Variants in TENM1 observed in about 807,000 individuals in gnomAD.
TENM1 encodes the protein teneurin-1.
Under a neutral mutation model 174.8 loss-of-function variants are expected in TENM1, and 35 were observed. The observed-to-expected ratio is 0.20, with a 90% CI of 0.15 to 0.27. TENM1 has a LOEUF of 0.27. Among genes scored for constraint, TENM1 ranks in the 10% least tolerant of loss-of-function variants. The probability of loss-of-function intolerance (pLI) is 1.00; values close to 1 mark genes in which losing one functional copy is unlikely to be tolerated. For missense variants in TENM1, 1,633 were observed against 2,130.1 expected, an observed-to-expected ratio of 0.77 and a Z score of 4.59; for synonymous variants, 781 against 798.7, an observed-to-expected ratio of 0.98 and a Z score of 0.37.
chrX:124,827,558 G>A (rs1252059532), intron 3 of TENM1, among the ~76,000 whole-genome samples: 1 of 111,416 alleles, frequency 9.0e-6, no homozygotes, highest in East Asian at 2.8e-4. Context: ...TTTGCTTGAG[G>A]GCCCTAAACA....
At chrX:124,565,434 T>C (rs1382240173) in exon 12 of TENM1, 1 of 1,209,643 alleles carries the variant, frequency 8.3e-7, no homozygotes, top group Admixed American at 2.2e-5. Context: ...ATCTTTGCAT[T>C]GGCCATGCTC....
the TENM1 span, among the ~76,000 whole-genome samples, chrX:125,000,600 CAT>C: frequency 8.9e-6 from 1 of 111,937 alleles, no homozygotes; most frequent in East Asian, 2.8e-4. Context: ...CATATCAAAA[CAT>C]GTCTTTATTT....
intron 18 of TENM1, among the ~76,000 whole-genome samples, chrX:124,510,395 T>C: frequency 8.9e-6 from 1 of 112,566 alleles, no homozygotes; most frequent in Non-Finnish European, 1.9e-5. Flanking sequence ...GACTGGAAGC[T>C]AGGGATAGCC....
Position 124,861,172 on chromosome X carries a change from G to A in TENM1, c.535+33124C>T, listed in dbSNP as rs924801824. ...AAGGTTAAAATAATTTATGTATTGA[G>A]GGCGAGTAAAAATATATATCAAGTA... On this transcript the variant is annotated intron_variant, in intron 3 of 31. Coordinates refer to ENST00000422452, the Ensembl canonical transcript of TENM1. Among the ~76,000 whole-genome samples the A allele has an allele frequency of 8.0e-5, 9 of 111,970 alleles. No homozygotes were observed. The East Asian group carries it at 2.2e-3, about 28-fold the overall frequency.
At chrX:125,161,039 T>TAAAAAAAAAAAAAAAA in the TENM1 span, among the ~76,000 whole-genome samples, 1 of 53,444 alleles carries the variant, frequency 1.9e-5, no homozygotes, top group African/African-American at 6.9e-5. Flanking sequence ...GGCCAAAAAG[T>TAAAAAAAAAAAAAAAA]AAAAAAAAAA....
At chrX:124,424,062 C>A (rs2060684223) in intron 23 of TENM1, among the ~76,000 whole-genome samples, 1 of 112,291 alleles carries the variant, frequency 8.9e-6, no homozygotes, top group South Asian at 3.7e-4. Flanking sequence ...AAGAGAGACA[C>A]CTCAGAAGAA....
At chrX:124,542,873 G>A (rs1324540851) in intron 15 of TENM1, among the ~76,000 whole-genome samples, 3 of 111,924 alleles carry the variant, frequency 2.7e-5, no homozygotes, top group African/African-American at 6.5e-5. Context: ...GTGATTTCTA[G>A]ATCATGTTCA....
At chrX:125,165,506 A>G in the TENM1 span, among the ~76,000 whole-genome samples, 1 of 111,899 alleles carries the variant, frequency 8.9e-6, no homozygotes, top group South Asian at 3.7e-4. Flanking sequence ...ATGACAGGTA[A>G]TGTTCCTTGA....
Position 124,527,814 on chromosome X carries a change from AT to A in TENM1, c.2771+2049del, listed in dbSNP as rs756753688. Among the ~76,000 whole-genome samples, 309 of 86,582 alleles carry A rather than the reference AT, an allele frequency of 3.6e-3. 1 individual carries two copies. The highest frequency in any genetic ancestry group is 6.5e-3 in the African/African-American group (152 of 23,397). The allele number at this position is 86,582 out of a possible 115,157, so 75.2% of individuals were successfully genotyped here. ...CAGGCGCCCGCCACCACGCCCAGCT[AT>A]TTTTTTTTTTTTTTGTATTTTTAGT... On this transcript the variant is annotated intron_variant, in intron 16 of 31. Coordinates refer to ENST00000422452, the Ensembl canonical transcript of TENM1.
At chrX:124,484,534 TCA>T (rs2046912955) in intron 21 of TENM1, among the ~76,000 whole-genome samples, 1 of 112,258 alleles carries the variant, frequency 8.9e-6, no homozygotes, top group African/African-American at 3.2e-5. Flanking sequence ...CAGTATGGAC[TCA>T]TGGATATTTA....
intron 5 of TENM1, among the ~76,000 whole-genome samples, chrX:124,676,699 G>A (rs903647617): frequency 2.8e-5 from 3 of 108,942 alleles, no homozygotes; most frequent in South Asian, 4.0e-4. Flanking sequence ...TCTTCTTAAC[G>A]TACACATTTC....
intron 15 of TENM1, among the ~76,000 whole-genome samples, chrX:124,545,032 T>G (rs1332847519): frequency 8.9e-6 from 1 of 112,333 alleles, no homozygotes; most frequent in Non-Finnish European, 1.9e-5. Flanking sequence ...ATATCCCAAA[T>G]AAAAATGCAT....
intron 3 of TENM1, among the ~76,000 whole-genome samples, chrX:124,883,894 G>A (rs1271754964): frequency 3.6e-5 from 4 of 111,342 alleles, no homozygotes; most frequent in South Asian, 3.9e-4. Flanking sequence ...CACTGGTAGT[G>A]GTGGTGCTGG....
At chrX:124,579,347 CT>C (rs2049246410) in intron 11 of TENM1, among the ~76,000 whole-genome samples, 1 of 111,615 alleles carries the variant, frequency 9.0e-6, no homozygotes, top group African/African-American at 3.3e-5. Context: ...ACAAATTTGA[CT>C]GCTAGCCCTA....
chrX:125,177,234 A>T, the TENM1 span, among the ~76,000 whole-genome samples: 3 of 112,294 alleles, frequency 2.7e-5, no homozygotes, highest in African/African-American at 9.7e-5. Context: ...ATGTCACTTG[A>T]AGTGTACATT....
the TENM1 span, among the ~76,000 whole-genome samples, chrX:125,049,505 G>A: frequency 6.3e-5 from 7 of 111,928 alleles, no homozygotes; most frequent in African/African-American, 1.9e-4. Context: ...GAACACTTGA[G>A]TACAAGTTTT....
chrX:124,474,033 T>G (rs1186005314), intron 22 of TENM1, among the ~76,000 whole-genome samples: 1 of 111,165 alleles, frequency 9.0e-6, no homozygotes, highest in Non-Finnish European at 1.9e-5. Flanking sequence ...GACTCTTGCT[T>G]CTTCTGTGGC....
chrX:124,479,091 C>G (rs757484086), intron 22 of TENM1, among the ~76,000 whole-genome samples: 3 of 112,358 alleles, frequency 2.7e-5, no homozygotes, highest in Non-Finnish European at 5.6e-5. Flanking sequence ...TTCTGACCAG[C>G]ATTTTCAGAG....
chrX:124,755,841 T>A (rs1157513948), intron 3 of TENM1, among the ~76,000 whole-genome samples: 2 of 108,330 alleles, frequency 1.8e-5, no homozygotes, highest in Non-Finnish European at 3.8e-5. Flanking sequence ...GCTTGTAGAG[T>A]TTCTGCCGAG....
Sources: allele counts gnomAD v4.1 joint callset (sites outside exome capture counted in the v4.1 genomes callset), GRCh38; gene constraint gnomAD v4.1.1; transcripts MANE v1.5; gene names NCBI Gene and HGNC (gene_info 2026-07-23, HGNC 2026-07-21).